DUSP22: variants seen among roughly 807,000 people sequenced by gnomAD.
DUSP22 encodes dual specificity protein phosphatase 22.
Under a neutral mutation model 24.5 loss-of-function variants are expected in DUSP22, and 24 were observed. That is an observed-to-expected ratio of 0.98 (90% CI 0.71 to 1.38). The LOEUF is 1.38. Ranked by LOEUF, DUSP22 falls within the 40% of genes most tolerant of loss-of-function variation. DUSP22 has a pLI of 0.00. For synonymous variants in DUSP22, 160 were observed against 106.4 expected (o/e 1.50, Z -3.10); for missense variants, 330 against 269.2 (o/e 1.23, Z -1.58).
intron 4 of DUSP22, among the ~76,000 whole-genome samples, chr6:335,481 AG>A (rs1759321051): frequency 6.6e-6 from 1 of 152,308 alleles, no homozygotes; most frequent in Non-Finnish European, 1.5e-5. Flanking sequence ...AAAACCGTGA[AG>A]GATTTGTTGG....
At chr6:342,693 G>A (rs1266183547) in intron 4 of DUSP22, among the ~76,000 whole-genome samples, 1 of 152,268 alleles carries the variant, frequency 6.6e-6, no homozygotes, top group African/African-American at 2.4e-5. Context: ...AGCAGGTGGT[G>A]CAGCTCTGAG....
intron 1 of DUSP22, among the ~76,000 whole-genome samples, chr6:302,386 C>T (rs1398462186): frequency 2.6e-5 from 4 of 152,302 alleles, no homozygotes; most frequent in Non-Finnish European, 4.4e-5. Context: ...CTTCTCTCCA[C>T]CTCTCTCCCA....
At chr6:301,267 C>A (rs1426039170) in intron 1 of DUSP22, among the ~76,000 whole-genome samples, 1 of 152,298 alleles carries the variant, frequency 6.6e-6, no homozygotes, top group Non-Finnish European at 1.5e-5. Flanking sequence ...GGATAAAGGA[C>A]CCCAAACAGT....
rs968801339 is a variant in DUSP22 at position 348,825 on chromosome 6, A to G, written c.492A>G (p.Glu164=). Residue 164 remains glutamate, a synonymous_variant, in exon 7 of 7, where the codon GAA becomes GAG. Transcript: ENST00000419235. ...YGESPLQDAE[E]AKNILGKYKE... is the part of the protein sequence containing the mutation. ...AGAGCCCTTTGCAGGATGCAGAAGA[A>G]GCCAAAAACATTCTGGGTAAATATA... is the stretch of plus-strand genomic sequence containing the variant. The G allele has an allele frequency of 4.3e-6, 7 of 1,614,204 alleles. No individual in the cohort carries two copies. The African/African-American group carries it at 9.3e-5, about 22-fold the overall frequency.
chr6:304,267 G>A (rs900758438), intron 1 of DUSP22, among the ~76,000 whole-genome samples: 11 of 152,426 alleles, frequency 7.2e-5, no homozygotes, highest in East Asian at 1.9e-4. Context: ...AGTGGGCACC[G>A]TGTGTGCAGT....
At chr6:304,064 T>C (rs1183496272) in intron 1 of DUSP22, among the ~76,000 whole-genome samples, 1 of 152,298 alleles carries the variant, frequency 6.6e-6, no homozygotes, top group Non-Finnish European at 1.5e-5. Context: ...GAGGCAGCAG[T>C]GAGCAACAGG....
At chr6:330,169 C>T (rs1759077887) in intron 3 of DUSP22, among the ~76,000 whole-genome samples, 1 of 152,298 alleles carries the variant, frequency 6.6e-6, no homozygotes, top group Admixed American at 6.5e-5. Flanking sequence ...TGCTGCCGCA[C>T]AGGCTGAGAT....
At chr6:299,091 C>T (rs11968262) in intron 1 of DUSP22, among the ~76,000 whole-genome samples, 1,053 of 152,052 alleles carry the variant, frequency 6.9e-3, no homozygotes, top group African/African-American at 0.024. Flanking sequence ...TGCTTAGCAC[C>T]AATTCTGTGC....
intron 1 of DUSP22, among the ~76,000 whole-genome samples, chr6:303,240 C>T (rs1347287016): frequency 6.6e-6 from 1 of 152,306 alleles, no homozygotes; most frequent in African/African-American, 2.4e-5. Flanking sequence ...TGCATTGTTC[C>T]CGTCTTTCAA....
At chr6:295,296 G>A (rs1345311416) in intron 1 of DUSP22, among the ~76,000 whole-genome samples, 3 of 152,296 alleles carry the variant, frequency 2.0e-5, no homozygotes, top group Admixed American at 2.0e-4. Flanking sequence ...AGTGCACGCT[G>A]CATTCTGAGT....
intron 3 of DUSP22, among the ~76,000 whole-genome samples, chr6:317,764 G>A (rs1329594329): frequency 6.6e-6 from 1 of 152,306 alleles, no homozygotes; most frequent in African/African-American, 2.4e-5. Flanking sequence ...GCAGCACTCG[G>A]CTTGGATCCA....
chr6:304,507 G>A (rs1757732438), intron 1 of DUSP22, 121 bp from the exon 2 acceptor site: 11 of 1,419,020 alleles, frequency 7.8e-6, no homozygotes, highest in Non-Finnish European at 1.1e-5. Context: ...CTGTCAGGGA[G>A]GTGCTGTACT....
At chr6:295,486 A>G (rs1757282895) in intron 1 of DUSP22, among the ~76,000 whole-genome samples, 2 of 152,280 alleles carry the variant, frequency 1.3e-5, no homozygotes, top group Admixed American at 6.5e-5. Flanking sequence ...TGAGGAAATA[A>G]AGACAGGACT....
At chr6:312,953 T>C (rs1234507634) in intron 3 of DUSP22, among the ~76,000 whole-genome samples, 4 of 151,920 alleles carry the variant, frequency 2.6e-5, no homozygotes, top group African/African-American at 7.2e-5. Context: ...TTCCTTGTAT[T>C]GTTTAGCTCA....
chr6:343,076 G>C (rs891378698), intron 4 of DUSP22, among the ~76,000 whole-genome samples: 3 of 151,112 alleles, frequency 2.0e-5, no homozygotes, highest in East Asian at 1.9e-4. Context: ...GCTGTAATGG[G>C]TGTCTGCTCT....
Position 330,158 on chromosome 6 carries a change from C to T in DUSP22, c.139-4956C>T, listed in dbSNP as rs1278104106. Among the ~76,000 whole-genome samples the T allele has an allele frequency of 7.9e-5, 12 of 152,420 alleles. No individual in the cohort carries two copies. The East Asian group carries it at 2.3e-3, about 29-fold the overall frequency. On this transcript the variant is annotated intron_variant, in intron 3 of 6. Transcript: ENST00000419235. ...CCCCCCTGGGCTCACCATACCGTCA[C>T]TGCTGCCGCACAGGCTGAGATGAGA...
intron 4 of DUSP22, among the ~76,000 whole-genome samples, chr6:340,036 A>G (rs7747499): frequency 0.03 from 4,547 of 150,766 alleles, 4 homozygotes; most frequent in African/African-American, 0.11. Context: ...ACTTAAAAGA[A>G]CTATCGTTTA....
At chr6:344,412 A>G (rs1305033995) in intron 4 of DUSP22, among the ~76,000 whole-genome samples, 17 of 152,296 alleles carry the variant, frequency 1.1e-4, no homozygotes, top group Non-Finnish European at 1.9e-4. Flanking sequence ...CGGCCTCCCA[A>G]GTACCCGGGA....
chr6:350,696 G>A lies in DUSP22; in HGVS notation c.*1745G>A. 1 of 1,582,844 alleles carries A rather than the reference G, an allele frequency of 6.3e-7. No homozygotes were observed. The highest frequency in any genetic ancestry group is 8.6e-7 in the Non-Finnish European group (1 of 1,165,466). On this transcript the variant is annotated 3_prime_UTR_variant, in exon 7 of 7. Transcript: ENST00000419235. Reference sequence around the variant, plus strand: ...TAAGCCAAAAATAAATACGTTAACAGAAAAATGATTTAGGATATAGCTTGA... The same window carrying A: ...TAAGCCAAAAATAAATACGTTAACAAAAAAATGATTTAGGATATAGCTTGA...
Sources: gnomAD v4.1 joint callset for allele counts (sites outside exome capture counted in the v4.1 genomes callset) on GRCh38, gnomAD v4.1.1 for gene constraint, MANE v1.5 for transcripts, NCBI Gene and HGNC (gene_info 2026-07-23, HGNC 2026-07-21) for gene names.